SAMD8: variants seen among roughly 807,000 people sequenced by gnomAD.
SAMD8 encodes the protein sterile alpha motif domain containing 8.
Under a neutral mutation model 42.0 loss-of-function variants are expected in SAMD8, and 20 were observed. The ratio of observed to expected loss-of-function variants is 0.48; its 90% CI spans 0.34 to 0.69. SAMD8 has a LOEUF of 0.69. SAMD8 is among the 30% of genes least tolerant of loss of function. SAMD8 has a pLI of 0.01. For missense variants in SAMD8, 328 were observed against 511.6 expected (o/e 0.64, Z 3.46); for synonymous variants, 162 against 173.0 (o/e 0.94, Z 0.50).
At chr10:75,154,841 T>C (rs1372491858) in intron 2 of SAMD8, among the ~76,000 whole-genome samples, 1 of 152,186 alleles carries the variant, frequency 6.6e-6, no homozygotes, top group Non-Finnish European at 1.5e-5. Flanking sequence ...GCTGATGAAT[T>C]TGGATTTGAT....
chr10:75,111,141 T>C (rs1445901073), upstream of SAMD8, among the ~76,000 whole-genome samples: 1 of 152,166 alleles, frequency 6.6e-6, no homozygotes, highest in Non-Finnish European at 1.5e-5. Context: ...GAGATGTTTA[T>C]ATGGCGTTTG....
chr10:75,157,178 T>A (rs752915868), intron 2 of SAMD8, among the ~76,000 whole-genome samples: 1 of 152,140 alleles, frequency 6.6e-6, no homozygotes, highest in Non-Finnish European at 1.5e-5. Context: ...CTTTTAACTT[T>A]TTTTGTAGAT....
intron 1 of SAMD8, among the ~76,000 whole-genome samples, chr10:75,142,635 C>G (rs1840044584): frequency 6.6e-6 from 1 of 151,918 alleles, no homozygotes; most frequent in East Asian, 2.0e-4. Context: ...CGGGGTTTCA[C>G]CATGTTGGCC....
At chr10:75,110,146 T>C (rs1451645228), upstream of SAMD8, among the ~76,000 whole-genome samples, 1 of 152,162 alleles carries the variant, frequency 6.6e-6, no homozygotes, top group African/African-American at 2.4e-5. Flanking sequence ...AATGGTCCTG[T>C]AGTGAAGATG....
At chr10:75,139,637 AAGGAGTGATCCTTTAG>A (rs1465546826) in intron 1 of SAMD8, among the ~76,000 whole-genome samples, 1 of 152,220 alleles carries the variant, frequency 6.6e-6, no homozygotes, top group Admixed American at 6.5e-5. Context: ...AACAAATTAT[AAGGAGTGATCCTTTAG>A]GGATTAGTTT....
chr10:75,135,474 A>G (rs777516489), intron 1 of SAMD8, among the ~76,000 whole-genome samples: 15 of 147,474 alleles, frequency 1.0e-4, no homozygotes, highest in Non-Finnish European at 1.9e-4. Context: ...AAAAAATTAC[A>G]CTGTACCCCA....
chr10:75,147,466 C>T (rs1464863530), intron 1 of SAMD8, among the ~76,000 whole-genome samples: 1 of 152,164 alleles, frequency 6.6e-6, no homozygotes, highest in Non-Finnish European at 1.5e-5. Flanking sequence ...GCTGAGATTA[C>T]AGGCGCCCGC....
At chr10:75,135,219 G>A (rs780916697) in intron 1 of SAMD8, among the ~76,000 whole-genome samples, 14 of 152,124 alleles carry the variant, frequency 9.2e-5, no homozygotes, top group African/African-American at 2.7e-4. Flanking sequence ...TTGGGAGGCC[G>A]AGGCGGGCTG....
intron 1 of SAMD8, among the ~76,000 whole-genome samples, chr10:75,103,458 G>A (rs975506697): frequency 2.0e-5 from 3 of 152,154 alleles, no homozygotes; most frequent in African/African-American, 7.2e-5. Context: ...CCAAAAGGCA[G>A]GGACACCCAG....
intron 1 of SAMD8, among the ~76,000 whole-genome samples, chr10:75,118,500 C>T (rs951290081): frequency 3.3e-5 from 5 of 152,076 alleles, no homozygotes; most frequent in Admixed American, 6.6e-5. Flanking sequence ...AAAAATTAGC[C>T]AGGTGTGGTG....
intron 2 of SAMD8, among the ~76,000 whole-genome samples, chr10:75,160,953 G>A (rs1422016729): frequency 1.3e-5 from 2 of 152,002 alleles, no homozygotes; most frequent in Admixed American, 6.6e-5. Context: ...CTGTAGTCCC[G>A]GGTATTGGGG....
intron 4 of SAMD8, among the ~76,000 whole-genome samples, chr10:75,175,156 C>G (rs111868396): frequency 2.3e-3 from 350 of 152,342 alleles, no homozygotes; most frequent in African/African-American, 8.0e-3. Flanking sequence ...AAACTGTTGT[C>G]TCTTACCTTG....
At chr10:75,107,053 G>A (rs561022237), upstream of SAMD8, among the ~76,000 whole-genome samples, 1 of 152,270 alleles carries the variant, frequency 6.6e-6, no homozygotes, top group African/African-American at 2.4e-5. Flanking sequence ...AGTACTTTGG[G>A]GGCCGGGTGC....
rs749680186 is a variant in SAMD8 at position 75,150,675 on chromosome 10, A to G, written c.147A>G (p.Glu49=). Residue 49 remains glutamate (E), a synonymous_variant, in exon 2 of 6, where the codon GAA becomes GAG. Coordinates refer to ENST00000542569, the MANE Select transcript of SAMD8 (RefSeq NM_001174156.2). ...LDGITLLTLT[E]YDLRSPPLEI... ...GAATCACATTGCTAACATTGACTGAATATGATCTCCGGTCTCCTCCTCTGG... is the reference window on the plus strand; with the variant it reads ...GAATCACATTGCTAACATTGACTGAGTATGATCTCCGGTCTCCTCCTCTGG... The G allele has an allele frequency of 6.2e-7, 1 of 1,614,210 alleles. No individual in the cohort carries two copies. The highest frequency in any genetic ancestry group is 8.5e-7 in the Non-Finnish European group (1 of 1,180,040).
chr10:75,127,014 C>T (rs557558685), intron 1 of SAMD8, among the ~76,000 whole-genome samples: 5 of 151,868 alleles, frequency 3.3e-5, no homozygotes, highest in East Asian at 1.9e-4. Context: ...ATGGTGAAAA[C>T]GTGTCTCTAC....
rs1031374722 is a variant in SAMD8 at position 75,140,399 on chromosome 10, C to T, written c.-15-10115C>T. Among the ~76,000 whole-genome samples, 12 of 152,314 alleles carry T rather than the reference C, an allele frequency of 7.9e-5. No individual in the cohort carries two copies. In the East Asian group the frequency reaches 1.2e-3, roughly 15 times the overall value. ...GGATTACAGGCTTGAGCCACCCCGC[C>T]CTGTCAAGATACAGAATTCTAAAAT... On this transcript the variant is annotated intron_variant, in intron 1 of 5. Coordinates refer to ENST00000542569, the MANE Select transcript of SAMD8 (RefSeq NM_001174156.2).
chr10:75,139,559 C>G (rs1486599926), intron 1 of SAMD8, among the ~76,000 whole-genome samples: 1 of 151,998 alleles, frequency 6.6e-6, no homozygotes, highest in Non-Finnish European at 1.5e-5. Context: ...TAATGTTAAG[C>G]AAAATGATAC....
At chr10:75,104,154 G>A in intron 1 of SAMD8, 4 of 1,230,736 alleles carry the variant, frequency 3.3e-6, no homozygotes, top group Non-Finnish European at 4.3e-6. Flanking sequence ...CAGGCTGGCT[G>A]GGACTTGTTG....
intron 1 of SAMD8, among the ~76,000 whole-genome samples, chr10:75,142,290 C>T (rs1221575473): frequency 6.6e-6 from 1 of 151,460 alleles, no homozygotes; most frequent in Non-Finnish European, 1.5e-5. Context: ...TTTCCTTCTG[C>T]TTTGGGTTTA....
Sources: gnomAD v4.1 joint callset for allele counts (sites outside exome capture counted in the v4.1 genomes callset) on GRCh38, gnomAD v4.1.1 for gene constraint, MANE v1.5 for transcripts, NCBI Gene and HGNC (gene_info 2026-07-23, HGNC 2026-07-21) for gene names.